ZFAND3: variants seen among roughly 807,000 people sequenced by gnomAD.
ZFAND3 encodes the protein zinc finger AN1-type containing 3.
ZFAND3 carries 10 observed loss-of-function variants against 29.6 expected under a neutral mutation model. The ratio of observed to expected loss-of-function variants is 0.34; its 90% CI spans 0.21 to 0.57. The LOEUF is 0.57. ZFAND3 is among the 20% of genes least tolerant of loss of function. The pLI is 0.86. For missense variants in ZFAND3, 230 were observed against 304.5 expected (o/e 0.76, Z 1.82); for synonymous variants, 128 against 112.6 (o/e 1.14, Z -0.87).
chr6:37,885,605 C>G (rs569307630), intron 1 of ZFAND3, among the ~76,000 whole-genome samples: 2 of 152,278 alleles, frequency 1.3e-5, no homozygotes, highest in African/African-American at 4.8e-5. Flanking sequence ...GATCGTGCCA[C>G]TGCACTCTAG....
intron 1 of ZFAND3, among the ~76,000 whole-genome samples, chr6:37,849,148 G>A (rs904678059): frequency 1.3e-5 from 2 of 152,130 alleles, no homozygotes; most frequent in Non-Finnish European, 2.9e-5. Flanking sequence ...GCTCATCAAC[G>A]GGGGCTGCAG....
intron 1 of ZFAND3, among the ~76,000 whole-genome samples, chr6:37,923,933 AAG>A (rs1413095872): frequency 6.6e-6 from 1 of 152,240 alleles, no homozygotes; most frequent in Admixed American, 6.5e-5. Flanking sequence ...CTATCTAAAA[AAG>A]TATTTCTTAT....
intron 2 of ZFAND3, among the ~76,000 whole-genome samples, chr6:37,997,325 A>G (rs530954374): frequency 6.6e-6 from 1 of 152,284 alleles, no homozygotes; most frequent in African/African-American, 2.4e-5. Flanking sequence ...TATGGCTGGT[A>G]TATGATTCCA....
rs61670894 is a variant in ZFAND3, at chr6:37,934,838, C to CA, written c.112+4865dup. Among the ~76,000 whole-genome samples the CA allele has an allele frequency of 3.5e-3, 245 of 70,636 alleles. 10 individuals are homozygous for CA. Among genetic ancestry groups the CA allele is most frequent in the Middle Eastern group, 9.4e-3 (1 of 106 alleles). The allele number at this position is 70,636 out of a possible 152,430, so 46.3% of individuals were successfully genotyped here. Reference sequence around the variant, plus strand: ...TGGGCAACAGAGTGAGACTCTGTCTCAAAAAAAAAAAAAAAAAAAAAAAAA... The same window carrying CA: ...TGGGCAACAGAGTGAGACTCTGTCTCAAAAAAAAAAAAAAAAAAAAAAAAAA... On this transcript the variant is annotated intron_variant, in intron 2 of 5. Coordinates refer to ENST00000287218, the MANE Select transcript of ZFAND3 (RefSeq NM_021943.3).
chr6:38,126,228 A>G (rs1023090071), intron 5 of ZFAND3, among the ~76,000 whole-genome samples: 1 of 152,250 alleles, frequency 6.6e-6, no homozygotes, highest in Admixed American at 6.5e-5. Flanking sequence ...CATATTATAT[A>G]TCAGTAGTTC....
chr6:38,144,592 G>A (rs1581958046), intron 5 of ZFAND3, among the ~76,000 whole-genome samples: 1 of 152,250 alleles, frequency 6.6e-6, no homozygotes, highest in Non-Finnish European at 1.5e-5. Context: ...CAGAGGCAGA[G>A]TGTGTTACAG....
intron 1 of ZFAND3, among the ~76,000 whole-genome samples, chr6:37,923,124 T>G (rs2127409774): frequency 6.6e-6 from 1 of 152,320 alleles, no homozygotes; most frequent in African/African-American, 2.4e-5. Flanking sequence ...TAAGTTTTCT[T>G]TATTGATTGA....
chr6:38,030,771 G>C (rs546966180), intron 2 of ZFAND3, among the ~76,000 whole-genome samples: 2 of 151,854 alleles, frequency 1.3e-5, no homozygotes, highest in African/African-American at 4.8e-5. Context: ...ATTGAAAGAA[G>C]TACAAAAAAA....
chr6:38,015,935 G>A (rs1329630884), intron 2 of ZFAND3, among the ~76,000 whole-genome samples: 1 of 152,106 alleles, frequency 6.6e-6, no homozygotes, highest in Non-Finnish European at 1.5e-5. Context: ...CTAGCTAGTG[G>A]GTGCAGTTGT....
chr6:37,987,524 A>G (rs1762691336), intron 2 of ZFAND3, among the ~76,000 whole-genome samples: 1 of 152,222 alleles, frequency 6.6e-6, no homozygotes, highest in South Asian at 2.1e-4. Flanking sequence ...CTATAAATCT[A>G]AAAATGTAGT....
chr6:38,082,470 T>C lies in ZFAND3; in HGVS notation c.361+13T>C. On this transcript the variant is annotated intron_variant, in intron 4 of 5. Transcript: ENST00000287218. Reference sequence around the variant, plus strand: ...TCCTGTGGTACAGGTATGTACGTCATTCTTATGTGAATTCATCCTTATTTG... The same window carrying C: ...TCCTGTGGTACAGGTATGTACGTCACTCTTATGTGAATTCATCCTTATTTG... 4 of 1,608,074 alleles carry C rather than the reference T, an allele frequency of 2.5e-6. No individual in the cohort carries two copies. The highest frequency in any genetic ancestry group is 3.4e-6 in the Non-Finnish European group (4 of 1,176,378).
intron 2 of ZFAND3, among the ~76,000 whole-genome samples, chr6:38,009,807 A>G (rs948259893): frequency 6.6e-6 from 1 of 152,238 alleles, no homozygotes; most frequent in African/African-American, 2.4e-5. Context: ...TATAAACAGT[A>G]TGTAGCCACT....
chr6:38,058,742 T>C (rs1764179619), intron 2 of ZFAND3, among the ~76,000 whole-genome samples: 1 of 152,218 alleles, frequency 6.6e-6, no homozygotes, highest in Non-Finnish European at 1.5e-5. Context: ...TGCTACTTAT[T>C]AGCTGTTAAC....
At chr6:37,831,099 G>A (rs939488579) in intron 1 of ZFAND3, among the ~76,000 whole-genome samples, 2 of 152,180 alleles carry the variant, frequency 1.3e-5, no homozygotes, top group African/African-American at 2.4e-5. Flanking sequence ...AATCAAAGAC[G>A]TGAGTTTACC....
chr6:38,130,514 A>G (rs1053911931), intron 5 of ZFAND3, among the ~76,000 whole-genome samples: 4 of 152,172 alleles, frequency 2.6e-5, no homozygotes, highest in African/African-American at 4.8e-5. Context: ...AAGAGTTTTA[A>G]TCATAAAGTG....
chr6:38,020,644 C>T (rs1763333020), intron 2 of ZFAND3, among the ~76,000 whole-genome samples: 1 of 152,172 alleles, frequency 6.6e-6, no homozygotes, highest in Non-Finnish European at 1.5e-5. Flanking sequence ...AAATACATCT[C>T]CTTATTTTGC....
rs189907355 is a variant in ZFAND3 at position 38,019,972 on chromosome 6, C to T, written c.113-41621C>T. Among the ~76,000 whole-genome samples, 479 of 152,166 alleles carry T rather than the reference C, an allele frequency of 3.1e-3. 3 individuals carry two copies. The highest frequency in any genetic ancestry group is 0.011 in the African/African-American group (449 of 41,514). Reference sequence around the variant, plus strand: ...TGGCCTCAAGTTATCTGCCCGCCTTCGTCTTCCAAAGTGCTGGGATTACAG... The same window carrying T: ...TGGCCTCAAGTTATCTGCCCGCCTTTGTCTTCCAAAGTGCTGGGATTACAG... On this transcript the variant is annotated intron_variant, in intron 2 of 5. Coordinates refer to ENST00000287218, the MANE Select transcript of ZFAND3 (RefSeq NM_021943.3).
intron 5 of ZFAND3, among the ~76,000 whole-genome samples, chr6:38,122,886 T>G (rs1765561901): frequency 6.6e-6 from 1 of 152,112 alleles, no homozygotes; most frequent in African/African-American, 2.4e-5. Flanking sequence ...GGGACTCAGA[T>G]ATGGGAAATG....
At chr6:38,026,100 A>T (rs1763441940) in intron 2 of ZFAND3, among the ~76,000 whole-genome samples, 1 of 152,192 alleles carries the variant, frequency 6.6e-6, no homozygotes, top group African/African-American at 2.4e-5. Context: ...TAAAATATAA[A>T]TTATTGACAA....
Sources: gnomAD v4.1 joint callset for allele counts (sites outside exome capture counted in the v4.1 genomes callset) on GRCh38, gnomAD v4.1.1 for gene constraint, MANE v1.5 for transcripts, NCBI Gene and HGNC (gene_info 2026-07-23, HGNC 2026-07-21) for gene names.